The following RPS6KC1 variants were observed in gnomAD, a reference collection of about 807,000 sequenced individuals.
The protein encoded by RPS6KC1 is ribosomal protein S6 kinase C1.
Under a neutral mutation model 103.8 loss-of-function variants are expected in RPS6KC1, and 54 were observed. The observed-to-expected ratio is 0.52, with a 90% CI of 0.42 to 0.65. RPS6KC1 has a LOEUF of 0.65. Ranked by LOEUF, RPS6KC1 falls within the 30% of genes least tolerant of loss-of-function variation. The probability of loss-of-function intolerance (pLI) is 0.00; values close to 1 mark genes in which losing one functional copy is unlikely to be tolerated. For missense variants in RPS6KC1, 1,151 were observed against 1,253.8 expected (o/e 0.92, Z 1.24); for synonymous variants, 439 against 438.7 (o/e 1.00, Z -0.01).
chr1:213,277,307 G>C (rs1447819494), downstream of RPS6KC1, among the ~76,000 whole-genome samples: 1 of 152,202 alleles, frequency 6.6e-6, no homozygotes, highest in Admixed American at 6.5e-5. Context: ...TGATCCTGCT[G>C]GTGATATGTA....
At position 213,070,970 on chromosome 1, in the gene RPS6KC1, T is replaced by A. The variant is rs750200308; in HGVS notation, c.106-36T>A. On this transcript the variant is annotated intron_variant, in intron 1 of 14. Coordinates refer to ENST00000366960, the MANE Select transcript of RPS6KC1 (RefSeq NM_012424.6). ...ACAAATATGAAATCTTAAATTTTGA[T>A]AATGATTAGAGATTTCTATGTATGT... The A allele has an allele frequency of 7.6e-6, 10 of 1,309,578 alleles. No individual in the cohort carries two copies. In the East Asian group the frequency reaches 2.0e-4, roughly 26 times the overall value. 81.1% of individuals were successfully genotyped at this position (1,309,578 alleles called of 1,614,324 possible).
the RPS6KC1 span, among the ~76,000 whole-genome samples, chr1:213,519,911 A>C: frequency 6.6e-6 from 1 of 152,180 alleles, no homozygotes; most frequent in African/African-American, 2.4e-5. Flanking sequence ...AAAGTCTGTG[A>C]GCTGGGAAGT....
chr1:213,454,831 T>C, the RPS6KC1 span, among the ~76,000 whole-genome samples: 3 of 152,316 alleles, frequency 2.0e-5, no homozygotes, highest in South Asian at 6.2e-4. Flanking sequence ...ACTAAGCAAA[T>C]CACACTGTGA....
the RPS6KC1 span, among the ~76,000 whole-genome samples, chr1:213,650,714 C>T: frequency 6.6e-6 from 1 of 152,170 alleles, no homozygotes; most frequent in African/African-American, 2.4e-5. Context: ...TCATCTCCCT[C>T]TCCCCACCCC....
the RPS6KC1 span, among the ~76,000 whole-genome samples, chr1:213,775,127 T>C: frequency 6.6e-6 from 1 of 152,148 alleles, no homozygotes; most frequent in Non-Finnish European, 1.5e-5. Context: ...TTTCCTTAAA[T>C]GAAAAGGGCA....
the RPS6KC1 span, among the ~76,000 whole-genome samples, chr1:213,346,922 T>C: frequency 6.6e-6 from 1 of 152,160 alleles, no homozygotes; most frequent in Non-Finnish European, 1.5e-5. Flanking sequence ...AGTCCTCTCT[T>C]ACCACTAGTG....
intron 8 of RPS6KC1, among the ~76,000 whole-genome samples, chr1:213,187,798 A>G (rs1042247380): frequency 6.6e-6 from 1 of 151,920 alleles, no homozygotes; most frequent in African/African-American, 2.4e-5. Flanking sequence ...ATAGATATTT[A>G]TAGAATAGTT....
At chr1:213,651,884 GGCCTGAGCTCCT>G in the RPS6KC1 span, among the ~76,000 whole-genome samples, 17 of 152,122 alleles carry the variant, frequency 1.1e-4, no homozygotes, top group Non-Finnish European at 2.1e-4. Flanking sequence ...CTTCCCACGT[GGCCTGAGCTCCT>G]GCCTTCATTT....
At chr1:213,426,033 TTTC>T in the RPS6KC1 span, among the ~76,000 whole-genome samples, 113 of 152,112 alleles carry the variant, frequency 7.4e-4, no homozygotes, top group Non-Finnish European at 1.4e-3. Context: ...TTTTGTTCCT[TTTC>T]TTCTTCTTCT....
chr1:213,468,919 G>T, the RPS6KC1 span, among the ~76,000 whole-genome samples: 268 of 152,174 alleles, frequency 1.8e-3, 5 homozygotes, highest in African/African-American at 6.1e-3. Context: ...GACTCCTGCT[G>T]CCTGGAGTTG....
the RPS6KC1 span, among the ~76,000 whole-genome samples, chr1:213,357,853 G>A: frequency 3.9e-5 from 6 of 152,288 alleles, no homozygotes; most frequent in South Asian, 6.2e-4. Context: ...CTTGTGTGGC[G>A]GGACCCTCCT....
At chr1:213,324,593 C>CTTTTTTTTTTTTTTTTT in the RPS6KC1 span, among the ~76,000 whole-genome samples, 2 of 81,824 alleles carry the variant, frequency 2.4e-5, no homozygotes, top group Admixed American at 1.3e-4. Flanking sequence ...GCTCGATATG[C>CTTTTTTTTTTTTTTTTT]TTTTTTTTTT....
chr1:213,630,588 C>G, the RPS6KC1 span, among the ~76,000 whole-genome samples: 1 of 152,230 alleles, frequency 6.6e-6, no homozygotes, highest in Non-Finnish European at 1.5e-5. Context: ...TCGTCAAAGT[C>G]ATTCTCCATC....
the RPS6KC1 span, among the ~76,000 whole-genome samples, chr1:213,846,128 T>TAA: frequency 1.1e-4 from 9 of 82,838 alleles, no homozygotes; most frequent in African/African-American, 1.4e-4. Flanking sequence ...CCGTCTCAAC[T>TAA]AAAAAAAAAA....
chr1:213,451,144 T>C, the RPS6KC1 span, among the ~76,000 whole-genome samples: 1 of 152,214 alleles, frequency 6.6e-6, no homozygotes, highest in African/African-American at 2.4e-5. Context: ...GATAGCCCAC[T>C]GAATTCAGAA....
At chr1:213,297,557 T>C in the RPS6KC1 span, among the ~76,000 whole-genome samples, 1 of 152,224 alleles carries the variant, frequency 6.6e-6, no homozygotes, top group African/African-American at 2.4e-5. Context: ...CTGGATGCCA[T>C]TTAATGAATA....
At chr1:213,763,883 T>C in the RPS6KC1 span, among the ~76,000 whole-genome samples, 12 of 152,214 alleles carry the variant, frequency 7.9e-5, no homozygotes, top group Non-Finnish European at 1.2e-4. Context: ...CCCCATGCTT[T>C]ATTTATGTGA....
the RPS6KC1 span, among the ~76,000 whole-genome samples, chr1:213,417,729 G>C: frequency 6.6e-6 from 1 of 152,184 alleles, no homozygotes; most frequent in Non-Finnish European, 1.5e-5. Context: ...ATTCAGCCAG[G>C]ACTAGGGAGA....
chr1:213,324,504 A>G, the RPS6KC1 span, among the ~76,000 whole-genome samples: 2 of 150,794 alleles, frequency 1.3e-5, no homozygotes, highest in African/African-American at 2.4e-5. Flanking sequence ...GCTTAGGTCT[A>G]TTGGAAAATA....
Sources: allele counts gnomAD v4.1 joint callset (sites outside exome capture counted in the v4.1 genomes callset), GRCh38; gene constraint gnomAD v4.1.1; transcripts MANE v1.5; gene names NCBI Gene and HGNC (gene_info 2026-07-23, HGNC 2026-07-21).